Variants in TRAPPC9 observed in about 807,000 individuals in gnomAD.
TRAPPC9 encodes the protein IKK2 binding protein.
A neutral mutation model predicts 124.0 loss-of-function variants in TRAPPC9; 83 were observed. The observed-to-expected ratio is 0.67, with a 90% CI of 0.56 to 0.80. The LOEUF (loss-of-function observed/expected upper bound fraction) is 0.80, where lower values mean the gene tolerates loss of function less well. Among genes scored for constraint, TRAPPC9 ranks in the 30% least tolerant of loss-of-function variants. The pLI, the probability that TRAPPC9 is intolerant of heterozygous loss-of-function variation, is 0.00. For missense variants in TRAPPC9, 1,302 were observed against 1,508.3 expected (o/e 0.86, Z 2.27); for synonymous variants, 638 against 617.5 (o/e 1.03, Z -0.49).
intron 16 of TRAPPC9, among the ~76,000 whole-genome samples, chr8:140,249,667 G>A (rs986136791): frequency 1.6e-4 from 22 of 140,568 alleles, no homozygotes; most frequent in Non-Finnish European, 2.7e-4. Context: ...GCAGTGGCGC[G>A]ATCTCGGCTC....
chr8:140,071,328 G>A (rs1305711940), intron 17 of TRAPPC9, among the ~76,000 whole-genome samples: 3 of 152,178 alleles, frequency 2.0e-5, no homozygotes, highest in South Asian at 2.1e-4. Flanking sequence ...TCACTCCAGC[G>A]GTCATGCTGC....
At chr8:139,867,413 G>A (rs1487143661) in intron 21 of TRAPPC9, among the ~76,000 whole-genome samples, 1 of 152,118 alleles carries the variant, frequency 6.6e-6, no homozygotes, top group Non-Finnish European at 1.5e-5. Context: ...ATATAAATAA[G>A]CACATTTAAA....
chr8:140,301,320 A>G (rs894445914), intron 10 of TRAPPC9, among the ~76,000 whole-genome samples: 9 of 152,210 alleles, frequency 5.9e-5, no homozygotes, highest in African/African-American at 2.2e-4. Flanking sequence ...TTACCAATCC[A>G]TGGAGTCTGA....
At chr8:140,442,114 C>T (rs1374712171) in intron 2 of TRAPPC9, among the ~76,000 whole-genome samples, 1 of 152,132 alleles carries the variant, frequency 6.6e-6, no homozygotes, top group African/African-American at 2.4e-5. Context: ...AAATATAACC[C>T]ACAAAATTTC....
chr8:139,885,731 C>A, intron 21 of TRAPPC9, 148 bp downstream of exon 21: 1 of 764,250 alleles, frequency 1.3e-6, no homozygotes, highest in Non-Finnish European at 2.2e-6. Context: ...ATGGTGAGCC[C>A]GTCTTTTTCC....
At chr8:139,856,679 T>C (rs535962422) in intron 21 of TRAPPC9, among the ~76,000 whole-genome samples, 4 of 146,300 alleles carry the variant, frequency 2.7e-5, no homozygotes, top group Middle Eastern at 3.6e-3. Context: ...CCTTTGTAAA[T>C]AGGACAGGCT....
At chr8:140,297,390 TAC>T (rs1247209985) in intron 11 of TRAPPC9, among the ~76,000 whole-genome samples, 1 of 146,774 alleles carries the variant, frequency 6.8e-6, no homozygotes, top group Non-Finnish European at 1.5e-5. Flanking sequence ...TACACATGCA[TAC>T]ACACATACAG....
intron 21 of TRAPPC9, among the ~76,000 whole-genome samples, chr8:139,805,352 G>A (rs931517153): frequency 8.5e-5 from 13 of 152,158 alleles, no homozygotes; most frequent in Non-Finnish European, 4.4e-5. Context: ...ACCTCCTCCC[G>A]GTGCAGGGCC....
In TRAPPC9 at chr8:140,057,570, G is replaced by T. The variant is rs79872996; in HGVS notation, c.2557-33491C>A. 6.9e-3 allele frequency among the ~76,000 whole-genome samples: 1,051 copies of T among 152,284 alleles called. 7 individuals are homozygous for T. Among genetic ancestry groups the T allele is most frequent in the African/African-American group, 0.024 (978 of 41,566 alleles). ...TGAGGCTTGAGGACATTATGCTAAA[G>T]GAAATAAAGCAGTCACAGAAGGACA... On this transcript the variant is annotated intron_variant, in intron 17 of 22. Transcript: ENST00000438773.
intron 21 of TRAPPC9, among the ~76,000 whole-genome samples, chr8:139,774,563 G>A (rs1586816374): frequency 6.6e-6 from 1 of 152,188 alleles, no homozygotes; most frequent in South Asian, 2.1e-4. Flanking sequence ...GACAGCAGCT[G>A]TGCCGCGTCC....
intron 17 of TRAPPC9, among the ~76,000 whole-genome samples, chr8:140,176,802 T>C (rs554033414): frequency 6.6e-6 from 1 of 152,222 alleles, no homozygotes; most frequent in Non-Finnish European, 1.5e-5. Flanking sequence ...AGTTACTCTG[T>C]AGCCTCACCA....
At chr8:139,828,171 C>G (rs1825762074) in intron 21 of TRAPPC9, among the ~76,000 whole-genome samples, 1 of 152,168 alleles carries the variant, frequency 6.6e-6, no homozygotes. Context: ...CTGTGTTCCC[C>G]TCACTCCACA....
intron 4 of TRAPPC9, among the ~76,000 whole-genome samples, chr8:140,427,816 G>A (rs780910871): frequency 7.2e-5 from 11 of 152,104 alleles, no homozygotes; most frequent in Non-Finnish European, 1.0e-4. Flanking sequence ...GTTTGTAAAC[G>A]CAGACTAAAA....
intron 21 of TRAPPC9, among the ~76,000 whole-genome samples, chr8:139,763,284 T>C (rs1433508778): frequency 6.6e-6 from 1 of 152,206 alleles, no homozygotes; most frequent in Non-Finnish European, 1.5e-5. Context: ...CTCTGGCGAA[T>C]ATAAAGCTCA....
intron 17 of TRAPPC9, among the ~76,000 whole-genome samples, chr8:140,165,172 G>A (rs576697017): frequency 8.4e-4 from 128 of 152,042 alleles, no homozygotes; most frequent in African/African-American, 2.8e-3. Context: ...ATGAAACCCC[G>A]TCTCTACTAA....
rs139183196 is a variant in TRAPPC9, at chr8:140,282,292, C to G, written c.2114+1597G>C. 5.0e-3 allele frequency among the ~76,000 whole-genome samples: 763 copies of G among 152,206 alleles called. 7 individuals are homozygous for G. Among genetic ancestry groups the G allele is most frequent in the African/African-American group, 0.018 (731 of 41,512 alleles). On this transcript the variant is annotated intron_variant, in intron 14 of 22. Transcript: ENST00000438773. Reference sequence around the variant, plus strand: ...CCAAGGTGGGCAGATCACTTGAGGTCAGGAGTTTGAGACCAGCCTGGCCAA... The same window carrying G: ...CCAAGGTGGGCAGATCACTTGAGGTGAGGAGTTTGAGACCAGCCTGGCCAA...
chr8:140,354,639 T>C (rs954140840), intron 9 of TRAPPC9, among the ~76,000 whole-genome samples: 1 of 152,174 alleles, frequency 6.6e-6, no homozygotes, highest in Non-Finnish European at 1.5e-5. Flanking sequence ...TGGGGTCACG[T>C]TTTTCCATTC....
At chr8:140,080,373 G>A (rs951413357) in intron 17 of TRAPPC9, among the ~76,000 whole-genome samples, 3 of 152,180 alleles carry the variant, frequency 2.0e-5, no homozygotes, top group Non-Finnish European at 2.9e-5. Context: ...CCTGAGTGTG[G>A]GTAATGCGTA....
intron 6 of TRAPPC9, among the ~76,000 whole-genome samples, chr8:140,401,416 A>AC (rs1354093471): frequency 6.6e-6 from 1 of 152,230 alleles, no homozygotes; most frequent in Admixed American, 6.5e-5. Flanking sequence ...ATGAAGTCAG[A>AC]AATCTATCAA....
Sources: allele counts gnomAD v4.1 joint callset (sites outside exome capture counted in the v4.1 genomes callset), GRCh38; gene constraint gnomAD v4.1.1; transcripts MANE v1.5; gene names NCBI Gene and HGNC (gene_info 2026-07-23, HGNC 2026-07-21).